ENOX1: variants seen among roughly 807,000 people sequenced by gnomAD.
The protein encoded by ENOX1 is ecto-NOX disulfide-thiol exchanger 1, also known as candidate growth-related and time keeping constitutive hydroquinone (NADH) oxidase.
Under a neutral mutation model 82.5 loss-of-function variants are expected in ENOX1, and 42 were observed. That is an observed-to-expected ratio of 0.51 (90% confidence interval 0.40 to 0.66). ENOX1 has a LOEUF of 0.66. Ranked by LOEUF, ENOX1 falls within the 30% of genes least tolerant of loss-of-function variation. The pLI, the probability that ENOX1 is intolerant of heterozygous loss-of-function variation, is 0.00. For missense variants in ENOX1, 608 were observed against 811.6 expected (o/e 0.75, Z 3.05); for synonymous variants, 271 against 282.2 (o/e 0.96, Z 0.40).
At chr13:43,506,317 A>G (rs1415914608) in intron 2 of ENOX1, among the ~76,000 whole-genome samples, 6 of 151,014 alleles carry the variant, frequency 4.0e-5, no homozygotes, top group East Asian at 1.9e-4. Flanking sequence ...AATGGCGATC[A>G]TTAAAAAGTC....
intron 6 of ENOX1, among the ~76,000 whole-genome samples, chr13:43,360,265 C>T (rs1041510628): frequency 6.6e-6 from 1 of 152,158 alleles, no homozygotes; most frequent in African/African-American, 2.4e-5. Flanking sequence ...TTCATTGCTA[C>T]ACAGAGTGGC....
At chr13:43,650,002 C>G (rs1225241218) in intron 2 of ENOX1, among the ~76,000 whole-genome samples, 5 of 152,198 alleles carry the variant, frequency 3.3e-5, no homozygotes, top group Admixed American at 2.6e-4. Flanking sequence ...GCTCCACATG[C>G]CTTCATCACT....
At chr13:43,770,174 TAACAA>T (rs1951505602) in intron 1 of ENOX1, among the ~76,000 whole-genome samples, 1 of 152,220 alleles carries the variant, frequency 6.6e-6, no homozygotes, top group African/African-American at 2.4e-5. Flanking sequence ...GCTTCTTCTT[TAACAA>T]AACTCTTAGT....
At chr13:43,525,135 A>G (rs1452158760) in intron 2 of ENOX1, among the ~76,000 whole-genome samples, 1 of 152,026 alleles carries the variant, frequency 6.6e-6, no homozygotes, top group Non-Finnish European at 1.5e-5. Flanking sequence ...TACCATCTTA[A>G]CCATTTTTAA....
At chr13:43,282,408 T>C (rs2045437479) in intron 12 of ENOX1, among the ~76,000 whole-genome samples, 1 of 152,038 alleles carries the variant, frequency 6.6e-6, no homozygotes, top group Admixed American at 6.5e-5. Flanking sequence ...TGTCTTCCTT[T>C]TGTGTTCTCT....
chr13:43,733,558 C>T (rs554847052), intron 1 of ENOX1, among the ~76,000 whole-genome samples: 2 of 152,216 alleles, frequency 1.3e-5, no homozygotes, highest in African/African-American at 2.4e-5. Flanking sequence ...TTCAATACAC[C>T]AAAAGCACTG....
At chr13:43,410,721 A>T (rs1175762004) in intron 5 of ENOX1, among the ~76,000 whole-genome samples, 2 of 152,158 alleles carry the variant, frequency 1.3e-5, no homozygotes, top group African/African-American at 4.8e-5. Flanking sequence ...ACAACAAAAA[A>T]CAAATGCTTG....
chr13:43,383,757 T>G (rs2052227264), intron 5 of ENOX1, among the ~76,000 whole-genome samples: 1 of 152,206 alleles, frequency 6.6e-6, no homozygotes, highest in East Asian at 1.9e-4. Flanking sequence ...CTCCTGGCAC[T>G]GTGGAGATTC....
At chr13:43,747,423 C>T (rs138273892) in intron 1 of ENOX1, among the ~76,000 whole-genome samples, 70 of 152,316 alleles carry the variant, frequency 4.6e-4, no homozygotes, top group African/African-American at 1.6e-3. Flanking sequence ...ACTGCCATAA[C>T]TGCCCTTCAT....
intron 1 of ENOX1, among the ~76,000 whole-genome samples, chr13:43,752,455 TA>T (rs1474783854): frequency 5.3e-5 from 8 of 152,222 alleles, no homozygotes; most frequent in African/African-American, 1.9e-4. Flanking sequence ...AATCTTTGTC[TA>T]ACCCAATCTC....
intron 3 of ENOX1, among the ~76,000 whole-genome samples, chr13:43,438,218 T>C (rs2056149050): frequency 6.6e-6 from 1 of 152,138 alleles, no homozygotes; most frequent in Admixed American, 6.5e-5. Context: ...GGGTCAAATT[T>C]GTAATTTAGA....
At chr13:43,600,237 T>C (rs2088202) in intron 2 of ENOX1, among the ~76,000 whole-genome samples, 65,074 of 152,038 alleles carry the variant, frequency 0.43, 16,467 homozygotes, top group East Asian at 0.79. Flanking sequence ...CTCTTGTGGT[T>C]CTCAATTCCA....
chr13:43,740,713 C>T (rs889143818), intron 1 of ENOX1, among the ~76,000 whole-genome samples: 1 of 152,120 alleles, frequency 6.6e-6, no homozygotes, highest in African/African-American at 2.4e-5. Context: ...CTCTTGGTCC[C>T]AGGCATTTCT....
intron 1 of ENOX1, among the ~76,000 whole-genome samples, chr13:43,696,673 T>C (rs2086655127): frequency 6.6e-6 from 1 of 152,044 alleles, no homozygotes. Context: ...TTTGATATGA[T>C]ATAGCAATAA....
intron 1 of ENOX1, among the ~76,000 whole-genome samples, chr13:43,716,801 T>G (rs1042284712): frequency 3.3e-4 from 42 of 128,528 alleles, no homozygotes; most frequent in African/African-American, 1.1e-3. Flanking sequence ...AAAAAAAAAA[T>G]GAATTACCTA....
intron 15 of ENOX1, among the ~76,000 whole-genome samples, chr13:43,229,289 G>A (rs1283083607): frequency 2.0e-5 from 3 of 152,180 alleles, no homozygotes; most frequent in African/African-American, 7.2e-5. Flanking sequence ...AGCAGCATGG[G>A]AATGGACTAA....
intron 1 of ENOX1, among the ~76,000 whole-genome samples, chr13:43,678,989 G>T (rs1234403838): frequency 6.6e-6 from 1 of 152,068 alleles, no homozygotes; most frequent in African/African-American, 2.4e-5. Context: ...CATAGCAGGT[G>T]TTCAATAAAT....
intron 8 of ENOX1, among the ~76,000 whole-genome samples, chr13:43,345,405 G>A (rs550533042): frequency 9.2e-5 from 14 of 152,228 alleles, no homozygotes; most frequent in South Asian, 4.2e-4. Context: ...GAAGTGTTCC[G>A]TGTTTGCTTT....
intron 3 of ENOX1, among the ~76,000 whole-genome samples, chr13:43,435,275 C>T (rs536854665): frequency 3.3e-5 from 5 of 152,256 alleles, no homozygotes; most frequent in African/African-American, 1.2e-4. Flanking sequence ...CTAACCTCAC[C>T]ACTGGGAAGC....
Sources: gnomAD v4.1 joint callset for allele counts (sites outside exome capture counted in the v4.1 genomes callset) on GRCh38, gnomAD v4.1.1 for gene constraint, MANE v1.5 for transcripts, NCBI Gene and HGNC (gene_info 2026-07-23, HGNC 2026-07-21) for gene names.